The following TYROBP variants were observed in gnomAD, a reference collection of about 807,000 sequenced individuals.
TYROBP encodes TYRO protein tyrosine kinase-binding protein.
TYROBP carries 14 observed loss-of-function variants against 17.1 expected under a neutral mutation model. That is an observed-to-expected ratio of 0.82 (90% CI 0.54 to 1.28). The LOEUF (loss-of-function observed/expected upper bound fraction) is 1.28. Among genes scored for constraint, TYROBP ranks in the 50% most tolerant of loss-of-function variants. TYROBP has a pLI of 0.00. For synonymous variants in TYROBP, 73 were observed against 67.4 expected (o/e 1.08, Z -0.41); for missense variants, 161 against 151.4 (o/e 1.06, Z -0.33).
At chr19:35,906,883 C>T (rs765461402) in intron 4 of TYROBP, among the ~76,000 whole-genome samples, 5 of 152,042 alleles carry the variant, frequency 3.3e-5, no homozygotes, top group African/African-American at 4.8e-5. Flanking sequence ...TGCGTTACCA[C>T]GCCCAGCTAA....
chr19:35,905,728 G>A (rs962113320), intron 4 of TYROBP, among the ~76,000 whole-genome samples: 26 of 151,872 alleles, frequency 1.7e-4, no homozygotes, highest in African/African-American at 5.6e-4. Flanking sequence ...GGAAAGGTGG[G>A]CGGATCACGA....
At chr19:35,906,154 C>T (rs1367201636) in intron 4 of TYROBP, among the ~76,000 whole-genome samples, 3 of 148,978 alleles carry the variant, frequency 2.0e-5, no homozygotes, top group East Asian at 4.0e-4. Flanking sequence ...CTCACTCTGT[C>T]GCCCAGGCTC....
intron 4 of TYROBP, among the ~76,000 whole-genome samples, chr19:35,906,333 C>T (rs1164070193): frequency 6.6e-6 from 1 of 152,064 alleles, no homozygotes; most frequent in African/African-American, 2.4e-5. Flanking sequence ...TCGTGATCCA[C>T]CCACCTTGGC....
At chr19:35,908,049 T>C (rs1284364006) in intron 1 of TYROBP, 119 bp downstream of exon 1, 19 of 928,446 alleles carry the variant, frequency 2.0e-5, no homozygotes, top group Non-Finnish European at 2.9e-5. Flanking sequence ...CTTTGGGAGG[T>C]TGGGGACCTG....
At chr19:35,906,746 T>C (rs1053940894) in intron 4 of TYROBP, among the ~76,000 whole-genome samples, 23 of 151,786 alleles carry the variant, frequency 1.5e-4, no homozygotes, top group Non-Finnish European at 2.9e-4. Context: ...TTTTTTTTTT[T>C]GACAGAGTTT....
chr19:35,906,386 G>A (rs1975725363), intron 4 of TYROBP, among the ~76,000 whole-genome samples: 1 of 151,750 alleles, frequency 6.6e-6, no homozygotes, highest in Non-Finnish European at 1.5e-5. Context: ...ACCATGCCTG[G>A]CCAAAAAAAA....
At position 35,904,514 on chromosome 19, in the gene TYROBP, G is replaced by A. The variant is rs756121440; in HGVS notation, c.*55C>T. 7 of 1,575,134 alleles carry A rather than the reference G, an allele frequency of 4.4e-6. No individual in the cohort carries two copies. Among genetic ancestry groups the A allele is most frequent in the Non-Finnish European group, 8.7e-7 (1 of 1,148,986 alleles). On this transcript the variant is annotated 3_prime_UTR_variant, in exon 5 of 5. Coordinates refer to ENST00000262629, the MANE Select transcript of TYROBP (RefSeq NM_003332.4). ...AGGAGTTGGAATGAGGTGCAGGGTG[G>A]GCTTCAGGAATGGCTGGATCCAGGT...
intron 1 of TYROBP, 41 bp downstream of exon 1, chr19:35,908,127 C>A: frequency 6.3e-7 from 1 of 1,588,974 alleles, no homozygotes; most frequent in Non-Finnish European, 8.6e-7. Flanking sequence ...CCAAGCTGAG[C>A]CCAGGGACCC....
rs1420914989 is a variant in TYROBP at position 35,908,234 on chromosome 19, C to A, written c.-6G>T. 1 of 1,613,612 alleles carries A rather than the reference C, an allele frequency of 6.2e-7. No homozygotes were observed. Among genetic ancestry groups the A allele is most frequent in the Non-Finnish European group, 8.5e-7 (1 of 1,179,798 alleles). On this transcript the variant is annotated 5_prime_UTR_variant, in exon 1 of 5. Coordinates refer to ENST00000262629, the MANE Select transcript of TYROBP (RefSeq NM_003332.4). ...CAGGGTTCAAGTCCCCCCATGAAGC[C>A]GGATGCTGCTGGACACCACAGTGTA...
intron 4 of TYROBP, among the ~76,000 whole-genome samples, chr19:35,906,235 C>T (rs1249071271): frequency 2.0e-5 from 3 of 151,482 alleles, no homozygotes; most frequent in African/African-American, 7.3e-5. Context: ...GAATTACAGG[C>T]GCATGACACC....
intron 3 of TYROBP, 57 bp downstream of exon 3, chr19:35,907,389 A>AG: frequency 8.7e-7 from 1 of 1,146,214 alleles, no homozygotes. Context: ...GAGTTTACCC[A>AG]GCCCCCCACC....
At position 35,904,491 on chromosome 19, in the gene TYROBP, G is replaced by A; in HGVS notation, c.*78C>T. The A allele has an allele frequency of 1.4e-6, 2 of 1,430,302 alleles. No individual in the cohort carries two copies. The highest frequency in any genetic ancestry group is 2.0e-6 in the Non-Finnish European group (2 of 1,023,066). 88.6% of individuals were successfully genotyped at this position (1,430,302 alleles called of 1,614,324 possible). On this transcript the variant is annotated 3_prime_UTR_variant, in exon 5 of 5. Coordinates refer to ENST00000262629, the MANE Select transcript of TYROBP (RefSeq NM_003332.4). ...ACTCTGTGGGTCTGTATCGCGGTAG[G>A]AGTTGGAATGAGGTGCAGGGTGGGC...
intron 4 of TYROBP, among the ~76,000 whole-genome samples, chr19:35,906,243 A>G (rs1975722054): frequency 6.6e-6 from 1 of 151,480 alleles, no homozygotes; most frequent in Non-Finnish European, 1.5e-5. Context: ...GGCGCATGAC[A>G]CCATGCCCAG....
chr19:35,906,971 T>G (rs1350535746), intron 4 of TYROBP, among the ~76,000 whole-genome samples: 1 of 151,956 alleles, frequency 6.6e-6, no homozygotes, highest in Admixed American at 6.6e-5. Flanking sequence ...CCCGCCTCTG[T>G]CTCCCAAAGT....
Position 35,907,207 on chromosome 19 carries a change from G to A in TYROBP, c.276+11C>T. On this transcript the variant is annotated intron_variant, in intron 4 of 4. Transcript: ENST00000262629. Reference sequence around the variant, plus strand: ...GAGTGAAATGTGAGGAGGACAGTCTGGTTTTCTCACCTGATAAGGCGACTC... The same window carrying A: ...GAGTGAAATGTGAGGAGGACAGTCTAGTTTTCTCACCTGATAAGGCGACTC... 6.3e-7 allele frequency: 1 copy of A among 1,597,434 alleles called. No individual in the cohort carries two copies. Among genetic ancestry groups the A allele is most frequent in the South Asian group, 1.1e-5 (1 of 88,622 alleles).
rs1175524963 is a variant in TYROBP at position 35,907,366 on chromosome 19, G to T, written c.229+80C>A. On this transcript the variant is annotated intron_variant, in intron 3 of 4. Coordinates refer to ENST00000262629, the MANE Select transcript of TYROBP (RefSeq NM_003332.4). ...CACCTCCATTACCATCCCTTTGGAT[G>T]TTTGAGATCTGGGAGTTTACCCAGC... is the stretch of plus-strand genomic sequence containing the variant. 3.1e-6 allele frequency: 5 copies of T among 1,606,356 alleles called. No homozygotes were observed. The Admixed American group carries it at 6.7e-5, about 21-fold the overall frequency.
chr19:35,905,653 A>T (rs1276110627), intron 4 of TYROBP, among the ~76,000 whole-genome samples: 1 of 135,938 alleles, frequency 7.4e-6, no homozygotes, highest in Admixed American at 7.3e-5. Context: ...TCTCTACTTT[A>T]AAAAAAAAAA....
At position 35,908,258 on chromosome 19, in the gene TYROBP, T is replaced by A; in HGVS notation, c.-30A>T. 6.2e-7 allele frequency: 1 copy of A among 1,604,148 alleles called. No individual in the cohort carries two copies. The highest frequency in any genetic ancestry group is 8.5e-7 in the Non-Finnish European group (1 of 1,171,310). On this transcript the variant is annotated 5_prime_UTR_variant, in exon 1 of 5. Transcript: ENST00000262629. The stretch of plus-strand genomic sequence containing the variant: ...CCGGATGCTGCTGGACACCACAGTG[T>A]AAGGGCCGGTGGGATGTGGCGCAGC...
At position 35,907,246 on chromosome 19, in the gene TYROBP, C is replaced by T. The variant is rs370767403; in HGVS notation, c.248G>A (p.Arg83His). ...GAAEAATRKQRITETESPYQE... is the reference protein window; with the variant it reads ...GAAEAATRKQHITETESPYQE... ...ATAAGGCGACTCGGTCTCAGTGATA[C>T]GCTGTTTCCGGGTCGCTGCTGGAGG... The change falls in exon 4 of 5, where the codon CGT (arginine) becomes CAT (histidine). Residue 83 changes from arginine (R) to histidine (H), a missense_variant. By Grantham distance (29) the Arg-to-His change is conservative. Coordinates refer to ENST00000262629, the MANE Select transcript of TYROBP (RefSeq NM_003332.4). 231 of 1,608,406 alleles carry T rather than the reference C, an allele frequency of 1.4e-4. No individual in the cohort carries two copies. Among genetic ancestry groups the T allele is most frequent in the Non-Finnish European group, 1.7e-4 (202 of 1,177,772 alleles).
Sources: gnomAD v4.1 joint callset for allele counts (sites outside exome capture counted in the v4.1 genomes callset) on GRCh38, gnomAD v4.1.1 for gene constraint, MANE v1.5 for transcripts, NCBI Gene and HGNC (gene_info 2026-07-23, HGNC 2026-07-21) for gene names.